Variants in FMN1 observed in about 807,000 individuals in gnomAD.
The protein encoded by FMN1 is formin-1.
FMN1 carries 110 observed loss-of-function variants against 132.4 expected under a neutral mutation model. That is an observed-to-expected ratio of 0.83 (90% CI 0.71 to 0.97). The LOEUF (loss-of-function observed/expected upper bound fraction) is 0.97. FMN1 is among the 50% of genes least tolerant of loss of function. The pLI is 0.00. For synonymous variants in FMN1, 722 were observed against 651.7 expected (o/e 1.11, Z -1.64); for missense variants, 1,792 against 1,705.3 (o/e 1.05, Z -0.90).
At chr15:32,877,082 C>G (rs1443050784) in intron 16 of FMN1, among the ~76,000 whole-genome samples, 1 of 152,108 alleles carries the variant, frequency 6.6e-6, no homozygotes, top group Non-Finnish European at 1.5e-5. Flanking sequence ...AGTCAGGAGT[C>G]TGAAACCAGC....
At chr15:32,875,716 A>T (rs2059620625) in intron 16 of FMN1, among the ~76,000 whole-genome samples, 1 of 152,242 alleles carries the variant, frequency 6.6e-6, no homozygotes, top group Non-Finnish European at 1.5e-5. Context: ...TGGTTGACTG[A>T]CATGAGAAGA....
intron 16 of FMN1, among the ~76,000 whole-genome samples, chr15:32,887,603 A>G (rs2059925744): frequency 6.6e-6 from 1 of 152,248 alleles, no homozygotes; most frequent in African/African-American, 2.4e-5. Flanking sequence ...ACATACAGGA[A>G]CATGTGTGTA....
intron 3 of FMN1, among the ~76,000 whole-genome samples, chr15:33,171,148 A>G (rs998770843): frequency 6.6e-6 from 1 of 152,202 alleles, no homozygotes; most frequent in African/African-American, 2.4e-5. Context: ...TTTCAGTCAT[A>G]TGTGGGAGCT....
At chr15:32,939,577 C>G (rs997065974) in intron 9 of FMN1, among the ~76,000 whole-genome samples, 2 of 151,958 alleles carry the variant, frequency 1.3e-5, no homozygotes, top group African/African-American at 4.8e-5. Flanking sequence ...TGAAAATTTC[C>G]CTAGCTTTTC....
intron 4 of FMN1, chr15:33,150,165 C>T (rs1479450094): frequency 3.0e-6 from 3 of 985,300 alleles, no homozygotes; most frequent in African/African-American, 1.7e-5. Flanking sequence ...TGTGATTCTT[C>T]TGGCACTAAA....
In FMN1 at chr15:32,969,002, C is replaced by G; in HGVS notation, c.2699G>C (p.Gly900Ala). ...AGGAGGCGGAGGTGGTAGCGGTGGC[C>G]CAGCACTCACAGGTGGCATTGGAGG... ...PAPPMPPVSA[G>A]PPLPPPPPPP... Residue 900 changes from glycine (G) to alanine (A), a missense_variant, in exon 8 of 21, where the codon GGG (glycine) becomes GCG (alanine). Physicochemically the swap from Gly to Ala is moderately conservative, Grantham distance 60. Around this residue, in one of 3 missense-constraint regions of FMN1, gnomAD observed 1,150 missense variants for 1,043.1 expected, o/e 1.10. Coordinates refer to ENST00000616417, the MANE Select transcript of FMN1 (RefSeq NM_001277313.2). The G allele has an allele frequency of 8.3e-7, 1 of 1,203,978 alleles. No individual in the cohort carries two copies. The highest frequency in any genetic ancestry group is 2.5e-5 in the East Asian group (1 of 39,946). 74.6% of individuals were successfully genotyped at this position (1,203,978 alleles called of 1,614,324 possible).
At chr15:32,849,161 T>TG (rs1186344509) in intron 17 of FMN1, among the ~76,000 whole-genome samples, 8 of 150,268 alleles carry the variant, frequency 5.3e-5, no homozygotes, top group African/African-American at 2.0e-4. Flanking sequence ...TTTTTTTTTT[T>TG]TTTGTATTTT....
intron 6 of FMN1, among the ~76,000 whole-genome samples, chr15:33,032,909 C>T (rs970863857): frequency 7.9e-5 from 12 of 152,110 alleles, no homozygotes; most frequent in African/African-American, 2.4e-4. Context: ...ATTCCTACTT[C>T]GCAAGGTCAT....
intron 17 of FMN1, among the ~76,000 whole-genome samples, chr15:32,822,452 T>C (rs2141111182): frequency 6.6e-6 from 1 of 152,316 alleles, no homozygotes; most frequent in East Asian, 1.9e-4. Context: ...AATGACAGTT[T>C]GGTTAAATTT....
chr15:33,098,870 G>A (rs1336130947), intron 4 of FMN1, among the ~76,000 whole-genome samples: 1 of 152,108 alleles, frequency 6.6e-6, no homozygotes, highest in African/African-American at 2.4e-5. Flanking sequence ...AGGTTGGTAA[G>A]GGCTTTCTAC....
chr15:32,978,725 A>C (rs1011369268), intron 7 of FMN1, among the ~76,000 whole-genome samples: 2 of 152,176 alleles, frequency 1.3e-5, no homozygotes, highest in African/African-American at 2.4e-5. Context: ...AATCATTTTA[A>C]TATTTCCCTC....
chr15:33,006,142 T>C (rs939831856), intron 7 of FMN1, among the ~76,000 whole-genome samples: 12 of 152,208 alleles, frequency 7.9e-5, no homozygotes, highest in African/African-American at 2.7e-4. Context: ...GATGTTTTCA[T>C]ATATCTGATA....
chr15:33,186,346 A>G (rs370159485), intron 2 of FMN1, among the ~76,000 whole-genome samples: 151 of 152,230 alleles, frequency 9.9e-4, no homozygotes, highest in African/African-American at 3.6e-3. Context: ...ACACTTTCTC[A>G]TGCTGAGTAA....
intron 6 of FMN1, among the ~76,000 whole-genome samples, chr15:33,026,011 T>C (rs547890783): frequency 6.6e-5 from 10 of 152,168 alleles, no homozygotes; most frequent in Admixed American, 5.9e-4. Context: ...ACTGGTAATG[T>C]TTACAATGAT....
At chr15:32,916,361 T>G (rs1034486155) in intron 10 of FMN1, among the ~76,000 whole-genome samples, 2 of 152,206 alleles carry the variant, frequency 1.3e-5, no homozygotes, top group East Asian at 3.9e-4. Flanking sequence ...AAGAATGCAC[T>G]TGCTGTTCGA....
chr15:32,841,437 G>C (rs2058743573), intron 17 of FMN1, among the ~76,000 whole-genome samples: 1 of 151,882 alleles, frequency 6.6e-6, no homozygotes, highest in Non-Finnish European at 1.5e-5. Context: ...CTATATTTTT[G>C]GGAACATAAC....
intron 16 of FMN1, among the ~76,000 whole-genome samples, chr15:32,884,048 T>TTGTGTAGGTGTGTGTGTC (rs2059836581): frequency 6.6e-6 from 1 of 151,930 alleles, no homozygotes; most frequent in Non-Finnish European, 1.5e-5. Context: ...ATGTGTGTGT[T>TTGTGTAGGTGTGTGTGTC]TGTGTATGTG....
chr15:32,928,986 C>G (rs1029944075), intron 9 of FMN1, among the ~76,000 whole-genome samples: 1 of 152,168 alleles, frequency 6.6e-6, no homozygotes, highest in Non-Finnish European at 1.5e-5. Context: ...TACCCCTCAC[C>G]CCATTATACA....
At chr15:33,103,593 C>G (rs572830029) in intron 4 of FMN1, among the ~76,000 whole-genome samples, 1 of 152,138 alleles carries the variant, frequency 6.6e-6, no homozygotes, top group South Asian at 2.1e-4. Flanking sequence ...CTAATTTTAT[C>G]CATTGTGAAA....
Sources: allele counts gnomAD v4.1 joint callset (sites outside exome capture counted in the v4.1 genomes callset), GRCh38; gene constraint gnomAD v4.1.1; regional missense constraint gnomAD v4.1.1; transcripts MANE v1.5; gene names NCBI Gene and HGNC (gene_info 2026-07-23, HGNC 2026-07-21).